The following NKAIN3 variants were observed in gnomAD, a reference collection of about 807,000 sequenced individuals.
The protein encoded by NKAIN3 is sodium/potassium-transporting ATPase subunit beta-1-interacting protein 3.
NKAIN3 carries 25 observed loss-of-function variants against 30.2 expected under a neutral mutation model. The observed-to-expected ratio is 0.83, with a 90% CI of 0.60 to 1.16. The LOEUF is 1.16. Among genes scored for constraint, NKAIN3 ranks in the 50% most tolerant of loss-of-function variants. NKAIN3 has a pLI of 0.00. For missense variants in NKAIN3, 225 were observed against 254.1 expected (o/e 0.89, Z 0.78); for synonymous variants, 91 against 89.6 (o/e 1.02, Z -0.09).
chr8:62,334,560 A>G (rs774582402), intron 1 of NKAIN3, among the ~76,000 whole-genome samples: 2 of 152,082 alleles, frequency 1.3e-5, no homozygotes, highest in Non-Finnish European at 2.9e-5. Flanking sequence ...TCCTAACTCA[A>G]TGGCTTTGGA....
chr8:62,317,808 G>C (rs1275083077), intron 1 of NKAIN3, among the ~76,000 whole-genome samples: 2 of 152,114 alleles, frequency 1.3e-5, no homozygotes, highest in East Asian at 3.9e-4. Flanking sequence ...TTCCAATTCT[G>C]TGAAGAAAGT....
intron 1 of NKAIN3, among the ~76,000 whole-genome samples, chr8:62,376,438 C>T (rs141370888): frequency 4.7e-4 from 72 of 152,322 alleles, no homozygotes; most frequent in African/African-American, 1.6e-3. Context: ...CATCTAAATG[C>T]TGTCTCTAGT....
intron 5 of NKAIN3, among the ~76,000 whole-genome samples, chr8:62,996,909 G>A (rs573282448): frequency 2.0e-5 from 3 of 152,138 alleles, no homozygotes; most frequent in East Asian, 1.9e-4. Flanking sequence ...TGGCCTCTGC[G>A]GCTGCTTTCA....
At chr8:62,946,347 G>A (rs556378229) in intron 5 of NKAIN3, among the ~76,000 whole-genome samples, 9 of 152,276 alleles carry the variant, frequency 5.9e-5, no homozygotes, top group Admixed American at 5.9e-4. Context: ...GCCATAAGCA[G>A]CCCCAACTGT....
chr8:62,784,765 TGG>T (rs1437534822), intron 4 of NKAIN3, among the ~76,000 whole-genome samples: 2 of 152,128 alleles, frequency 1.3e-5, no homozygotes, highest in African/African-American at 4.8e-5. Flanking sequence ...TCTGTTGGGC[TGG>T]TATTACTTAG....
chr8:62,389,230 A>G (rs899691209), intron 1 of NKAIN3, among the ~76,000 whole-genome samples: 4 of 152,192 alleles, frequency 2.6e-5, no homozygotes, highest in Admixed American at 6.5e-5. Context: ...TTGTATATCT[A>G]TGGGGTAAAA....
intron 3 of NKAIN3, among the ~76,000 whole-genome samples, chr8:62,601,093 AATCT>A (rs546511964): frequency 1.5e-3 from 227 of 152,198 alleles, no homozygotes; most frequent in African/African-American, 5.1e-3. Flanking sequence ...AGCTGCTTAC[AATCT>A]ATCCATTGTC....
In NKAIN3 at chr8:62,767,857, A is replaced by C. The variant is rs73254895; in HGVS notation, c.471+20728A>C. Among the ~76,000 whole-genome samples, 971 of 152,110 alleles carry C rather than the reference A, an allele frequency of 6.4e-3. 11 individuals are homozygous for C. The highest frequency in any genetic ancestry group is 0.031 in the South Asian group (151 of 4,814). On this transcript the variant is annotated intron_variant, in intron 4 of 6. Transcript: ENST00000623646. Reference sequence around the variant, plus strand: ...CACTAGATTTGGAAAACTTGGTACAAAAAAGAAGATAAAATATCATACATA... The same window carrying C: ...CACTAGATTTGGAAAACTTGGTACACAAAAGAAGATAAAATATCATACATA...
rs146659664 is a variant in NKAIN3 at position 62,516,648 on chromosome 8, A to G, written c.55-62891A>G. Among the ~76,000 whole-genome samples, 356 of 152,212 alleles carry G rather than the reference A, an allele frequency of 2.3e-3. 1 individual carries two copies. The highest frequency in any genetic ancestry group is 8.3e-3 in the African/African-American group (346 of 41,576). On this transcript the variant is annotated intron_variant, in intron 1 of 6. Coordinates refer to ENST00000623646, the MANE Select transcript of NKAIN3 (RefSeq NM_001304533.3). ...ATGAACAAAACTTATCTCTCATTTT[A>G]CTTAAATATCTTTTAAGACCTTTAA...
chr8:62,735,918 T>C (rs1815650454), intron 3 of NKAIN3, among the ~76,000 whole-genome samples: 1 of 152,098 alleles, frequency 6.6e-6, no homozygotes. Context: ...CTCTCCTGGA[T>C]CTAGGCTCCC....
At chr8:62,597,378 G>A (rs78825551) in intron 3 of NKAIN3, among the ~76,000 whole-genome samples, 2,059 of 151,896 alleles carry the variant, frequency 0.014, 41 homozygotes, top group African/African-American at 0.042. Context: ...CGCTTTTCAT[G>A]GTGAAAAGAA....
At chr8:62,621,362 T>G (rs1459235717) in intron 3 of NKAIN3, among the ~76,000 whole-genome samples, 5 of 152,054 alleles carry the variant, frequency 3.3e-5, no homozygotes, top group South Asian at 4.1e-4. Context: ...AAATGTAATA[T>G]AAAAATGTAA....
At chr8:62,470,453 T>A (rs1806293171) in intron 1 of NKAIN3, among the ~76,000 whole-genome samples, 1 of 152,142 alleles carries the variant, frequency 6.6e-6, no homozygotes, top group Non-Finnish European at 1.5e-5. Context: ...TCTAGTAGAA[T>A]CAATGACAGG....
At chr8:62,744,813 A>G (rs1033201578) in intron 3 of NKAIN3, among the ~76,000 whole-genome samples, 2 of 152,200 alleles carry the variant, frequency 1.3e-5, no homozygotes, top group Non-Finnish European at 2.9e-5. Context: ...ACCAACAACC[A>G]AAAAAATGAC....
chr8:62,622,543 TG>T (rs1318021725), intron 3 of NKAIN3, among the ~76,000 whole-genome samples: 2 of 152,088 alleles, frequency 1.3e-5, no homozygotes, highest in African/African-American at 4.8e-5. Context: ...CTAATGATGT[TG>T]AATATCTTTT....
chr8:62,880,229 T>C (rs1237789161), intron 4 of NKAIN3, among the ~76,000 whole-genome samples: 1 of 152,138 alleles, frequency 6.6e-6, no homozygotes, highest in African/African-American at 2.4e-5. Context: ...ACACATGTAA[T>C]AAGTGGTAAC....
intron 3 of NKAIN3, among the ~76,000 whole-genome samples, chr8:62,686,517 A>G (rs762215276): frequency 1.3e-5 from 2 of 152,208 alleles, no homozygotes; most frequent in Non-Finnish European, 2.9e-5. Flanking sequence ...TACTGCAGCA[A>G]ACCATTACCT....
chr8:62,899,913 C>T lies in NKAIN3; in HGVS notation c.472-18540C>T, dbSNP rs1389925625. ...AGATATAAAATAATTTTTAAAATTACATATTGGGTACAATGTACACTACTC... is the reference window on the plus strand; with the variant it reads ...AGATATAAAATAATTTTTAAAATTATATATTGGGTACAATGTACACTACTC... On this transcript the variant is annotated intron_variant, in intron 4 of 6. Transcript: ENST00000623646. Among the ~76,000 whole-genome samples the T allele has an allele frequency of 2.0e-5, 3 of 151,638 alleles. No individual in the cohort carries two copies. In the East Asian group the frequency reaches 5.8e-4, roughly 29 times the overall value.
At chr8:62,945,787 T>A (rs1046474020) in intron 5 of NKAIN3, among the ~76,000 whole-genome samples, 1 of 152,012 alleles carries the variant, frequency 6.6e-6, no homozygotes, top group Non-Finnish European at 1.5e-5. Flanking sequence ...CGAGACAGAG[T>A]TGGGGAGACT....
Sources: allele counts gnomAD v4.1 joint callset (sites outside exome capture counted in the v4.1 genomes callset), GRCh38; gene constraint gnomAD v4.1.1; transcripts MANE v1.5; gene names NCBI Gene and HGNC (gene_info 2026-07-23, HGNC 2026-07-21).